CCDC102B: variants seen among roughly 807,000 people sequenced by gnomAD.
The protein encoded by CCDC102B is coiled-coil domain containing 102B, also known as coiled-coil domain-containing protein 102B.
A neutral mutation model predicts 57.4 loss-of-function variants in CCDC102B; 75 were observed. The observed-to-expected ratio is 1.31, with a 90% CI of 1.08 to 1.58. The LOEUF (loss-of-function observed/expected upper bound fraction) is 1.58. Ranked by LOEUF, CCDC102B falls within the 40% of genes most tolerant of loss-of-function variation. CCDC102B has a pLI of 0.00. For synonymous variants in CCDC102B, 206 were observed against 201.9 expected, an observed-to-expected ratio of 1.02 and a Z score of -0.17; for missense variants, 636 against 582.6, an observed-to-expected ratio of 1.09 and a Z score of -0.94.
At position 68,860,469 on chromosome 18, in the gene CCDC102B, CAA is replaced by C. The variant is rs1161142158; in HGVS notation, c.936+14052_936+14053del. 2.7e-3 allele frequency among the ~76,000 whole-genome samples: 170 copies of C among 63,178 alleles called. 12 individuals are homozygous for C. The highest frequency in any genetic ancestry group is 3.4e-3 in the Non-Finnish European group (92 of 26,694). The allele number at this position is 63,178 out of a possible 152,430, so 41.4% of individuals were successfully genotyped here. A position where few individuals can be genotyped will look rare whatever the true frequency, so the allele number is the denominator to read the frequency against. The stretch of plus-strand genomic sequence containing the variant: ...AAGTATAATTAAAAAAAAACAAAAA[CAA>C]AAACAAAAAAAAAAAAAGACACTAC... On this transcript the variant is annotated intron_variant, in intron 4 of 7. Coordinates refer to ENST00000360242, the MANE Select transcript of CCDC102B (RefSeq NM_024781.3).
In CCDC102B at chr18:68,846,370, G is replaced by T. The variant is rs778396864; in HGVS notation, c.885G>T (p.Trp295Cys). Residue 295 changes from tryptophan to cysteine, a missense_variant, in exon 4 of 8, where the codon TGG (tryptophan) becomes TGT (cysteine). Coordinates refer to ENST00000360242, the MANE Select transcript of CCDC102B (RefSeq NM_024781.3). ...GACTGGAGTCGGCTTTGTCTCTGTGGAAGTGGAAGTATGAAGAACTGAAAG... is the reference window on the plus strand; with the variant it reads ...GACTGGAGTCGGCTTTGTCTCTGTGTAAGTGGAAGTATGAAGAACTGAAAG... The part of the protein sequence containing the change: ...IERLESALSL[W>C]KWKYEELKES... 6.3e-7 allele frequency: 1 copy of T among 1,590,756 alleles called. No homozygotes were observed. The highest frequency in any genetic ancestry group is 8.5e-7 in the Non-Finnish European group (1 of 1,170,066).
chr18:68,752,814 A>G (rs2033909268), intron 2 of CCDC102B, among the ~76,000 whole-genome samples: 1 of 152,144 alleles, frequency 6.6e-6, no homozygotes. Flanking sequence ...AGAGGTCTGT[A>G]GCTTTATCTT....
chr18:68,909,104 A>G (rs2040745423), intron 6 of CCDC102B, among the ~76,000 whole-genome samples: 1 of 151,570 alleles, frequency 6.6e-6, no homozygotes. Context: ...AAAAAAAAAA[A>G]GAATGACAGA....
At chr18:68,723,963 A>T (rs966460570) in intron 2 of CCDC102B, among the ~76,000 whole-genome samples, 4 of 152,096 alleles carry the variant, frequency 2.6e-5, no homozygotes, top group Non-Finnish European at 5.9e-5. Flanking sequence ...TCTGTAACAA[A>T]CTTCTGCCTG....
At chr18:69,051,866 CAT>C (rs1480401144) in intron 7 of CCDC102B, among the ~76,000 whole-genome samples, 7 of 151,652 alleles carry the variant, frequency 4.6e-5, no homozygotes, top group East Asian at 3.9e-4. Context: ...TACCTCATGT[CAT>C]GTGTAAAATT....
chr18:68,990,172 A>G (rs1216020945), intron 6 of CCDC102B, among the ~76,000 whole-genome samples: 1 of 152,130 alleles, frequency 6.6e-6, no homozygotes, highest in Admixed American at 6.5e-5. Context: ...CTGTCCCCCA[A>G]ACTCCTAGTG....
intron 4 of CCDC102B, among the ~76,000 whole-genome samples, chr18:68,865,215 A>G (rs2038922838): frequency 6.6e-6 from 1 of 152,078 alleles, no homozygotes; most frequent in Admixed American, 6.5e-5. Flanking sequence ...AGGCATGACT[A>G]TTGCCAACTT....
chr18:68,806,521 C>T (rs1405588801), intron 1 of CCDC102B, among the ~76,000 whole-genome samples: 6 of 151,910 alleles, frequency 3.9e-5, no homozygotes, highest in Admixed American at 3.9e-4. Context: ...ATTTAGGAAA[C>T]CTCTAGGTGT....
At chr18:68,976,269 A>G (rs1285306038) in intron 6 of CCDC102B, among the ~76,000 whole-genome samples, 1 of 152,030 alleles carries the variant, frequency 6.6e-6, no homozygotes, top group Non-Finnish European at 1.5e-5. Flanking sequence ...AATTAATTAA[A>G]TATGCTTTGA....
chr18:68,990,549 T>G (rs2050837826), intron 6 of CCDC102B, among the ~76,000 whole-genome samples: 1 of 152,218 alleles, frequency 6.6e-6, no homozygotes, highest in African/African-American at 2.4e-5. Flanking sequence ...TATGTGTTTG[T>G]GTGTATACAA....
rs540210402 is a variant in CCDC102B, at chr18:68,838,632, C to A, written c.607-74C>A. The A allele has an allele frequency of 1.3e-4, 208 of 1,544,136 alleles. 1 individual carries two copies. In the South Asian group the frequency reaches 2.4e-3, roughly 18 times the overall value. On this transcript the variant is annotated intron_variant, in intron 2 of 7. Transcript: ENST00000360242. ...GGTTGTGGTATCGTAACATTTATTT[C>A]TTTATGAAAATGTTTTGTCATCATG...
chr18:68,895,855 T>A (rs1187288398), intron 5 of CCDC102B, among the ~76,000 whole-genome samples: 1 of 151,962 alleles, frequency 6.6e-6, no homozygotes, highest in Non-Finnish European at 1.5e-5. Context: ...TGTAAAGAGT[T>A]ACTCTGCTGT....
At chr18:68,861,857 C>A (rs774124639) in intron 4 of CCDC102B, among the ~76,000 whole-genome samples, 1 of 152,034 alleles carries the variant, frequency 6.6e-6, no homozygotes, top group South Asian at 2.1e-4. Flanking sequence ...GATTCATTAT[C>A]TGAAGGTGTT....
intron 5 of CCDC102B, among the ~76,000 whole-genome samples, chr18:68,878,755 T>C (rs905519209): frequency 2.0e-4 from 30 of 152,274 alleles, no homozygotes; most frequent in African/African-American, 6.7e-4. Context: ...TGATATTTTG[T>C]GGCCTAAATG....
In CCDC102B at chr18:69,043,313, A is replaced by ACGGG. The variant is rs534710540; in HGVS notation, c.1435-10715_1435-10712dup. Among the ~76,000 whole-genome samples the ACGGG allele has an allele frequency of 8.5e-5, 13 of 152,156 alleles. No individual in the cohort carries two copies. In the South Asian group the frequency reaches 2.5e-3, roughly 29 times the overall value. On this transcript the variant is annotated intron_variant, in intron 7 of 7. Transcript: ENST00000360242. ...TACGGAGACATTCCATTGCCCAGGG[A>ACGGG]CGGGCAGGAGACAGATGCCTTCCTC...
chr18:69,030,723 C>T (rs1178411523), intron 7 of CCDC102B, among the ~76,000 whole-genome samples: 4 of 152,092 alleles, frequency 2.6e-5, no homozygotes, highest in Non-Finnish European at 5.9e-5. Context: ...GGCGTGATCT[C>T]GGCTCACTGC....
intron 6 of CCDC102B, among the ~76,000 whole-genome samples, chr18:68,955,687 C>T (rs4638689): frequency 0.11 from 17,221 of 151,460 alleles, 1,330 homozygotes; most frequent in East Asian, 0.3. Context: ...TAAAGCTAGG[C>T]GTTTCCAAAC....
At chr18:68,822,549 T>TA (rs983557034) in intron 1 of CCDC102B, among the ~76,000 whole-genome samples, 32 of 152,026 alleles carry the variant, frequency 2.1e-4, no homozygotes, top group African/African-American at 7.2e-4. Flanking sequence ...TTTAGATACA[T>TA]AAGGTACCTG....
chr18:69,022,978 C>T (rs940663965), intron 7 of CCDC102B, among the ~76,000 whole-genome samples: 8 of 146,968 alleles, frequency 5.4e-5, no homozygotes, highest in Non-Finnish European at 8.9e-5. Flanking sequence ...AAAATCCGTG[C>T]TTAGTTAAAA....
Sources: allele counts gnomAD v4.1 joint callset (sites outside exome capture counted in the v4.1 genomes callset), GRCh38; gene constraint gnomAD v4.1.1; transcripts MANE v1.5; gene names NCBI Gene and HGNC (gene_info 2026-07-23, HGNC 2026-07-21).